NAA11: variants seen among roughly 807,000 people sequenced by gnomAD.
The protein encoded by NAA11 is N-alpha-acetyltransferase 11, NatA catalytic subunit, also known as N-alpha-acetyltransferase 11.
In NAA11, 15 loss-of-function variants were observed where a neutral mutation model predicts 16.1. The observed-to-expected ratio is 0.93, with a 90% CI of 0.62 to 1.44. NAA11 has a LOEUF of 1.44. Ranked by LOEUF, NAA11 falls within the 40% of genes most tolerant of loss-of-function variation. The pLI, the probability that NAA11 is intolerant of heterozygous loss-of-function variation, is 0.00. For synonymous variants in NAA11, 122 were observed against 112.4 expected (o/e 1.09, Z -0.54); for missense variants, 298 against 291.3 (o/e 1.02, Z -0.17).
In NAA11 at chr4:79,325,188, C is replaced by T; in HGVS notation, c.690G>A (p.Ter230=). ...DSSESSDSTS[*] ...GAAGACAGAATACCTTAAGCATGCT[C>T]TAGGAGGTGGAATCCGAGCTTTCTG... Residue 230 remains the stop codon, a stop_retained_variant, in exon 1 of 2, where the codon TAG becomes TAA. Transcript: ENST00000286794. 1 of 1,603,588 alleles carries T rather than the reference C, an allele frequency of 6.2e-7. No homozygotes were observed. Among genetic ancestry groups the T allele is most frequent in the South Asian group, 1.1e-5 (1 of 89,244 alleles).
downstream of NAA11, among the ~76,000 whole-genome samples, chr4:79,314,518 T>C (rs930114781): frequency 2.6e-5 from 4 of 151,962 alleles, no homozygotes; most frequent in Admixed American, 2.0e-4. Flanking sequence ...ACCCAGGTGA[T>C]TCCGATGCAC....
At chr4:79,324,566 T>A (rs1288999257) in intron 1 of NAA11, among the ~76,000 whole-genome samples, 1 of 152,226 alleles carries the variant, frequency 6.6e-6, no homozygotes, top group Admixed American at 6.5e-5. Context: ...GTTTAACAAG[T>A]CCCTCTATTT....
At position 79,317,777 on chromosome 4, in the gene NAA11, T is replaced by C. The variant is rs1407684228; in HGVS notation, c.*27A>G. ...TCACAGAGTAGATGTGGTTGAGACATGAGGACCTGAAATGCTGTTGAAAAA... is the reference window on the plus strand; with the variant it reads ...TCACAGAGTAGATGTGGTTGAGACACGAGGACCTGAAATGCTGTTGAAAAA... On this transcript the variant is annotated 3_prime_UTR_variant, in exon 2 of 2. Coordinates refer to ENST00000286794, the MANE Select transcript of NAA11 (RefSeq NM_032693.3). 6.6e-6 allele frequency: 1 copy of C among 152,258 alleles called. No individual in the cohort carries two copies. Among genetic ancestry groups the C allele is most frequent in the African/African-American group, 2.4e-5 (1 of 41,438 alleles). The allele number at this position is 152,258 out of a possible 1,614,324, so 9.4% of individuals were successfully genotyped here.
At chr4:79,308,083 AAAG>A (rs769975743) in intron 1 of NAA11, among the ~76,000 whole-genome samples, 10 of 151,948 alleles carry the variant, frequency 6.6e-5, no homozygotes, top group East Asian at 1.9e-4. Context: ...ATAAAAATTA[AAAG>A]AAGAAGAAGG....
the NAA11 span, among the ~76,000 whole-genome samples, chr4:79,174,992 T>G: frequency 1.3e-5 from 2 of 152,172 alleles, no homozygotes; most frequent in African/African-American, 4.8e-5. Flanking sequence ...ACATAATTTC[T>G]TCTTGAAGCA....
At chr4:79,187,170 A>G in the NAA11 span, among the ~76,000 whole-genome samples, 1 of 152,194 alleles carries the variant, frequency 6.6e-6, no homozygotes, top group Admixed American at 6.5e-5. Context: ...TTTATCATCA[A>G]TTGCTTTAGA....
At chr4:79,189,284 C>T in the NAA11 span, among the ~76,000 whole-genome samples, 5 of 151,734 alleles carry the variant, frequency 3.3e-5, no homozygotes, top group African/African-American at 1.2e-4. Flanking sequence ...AGAAATCAAG[C>T]TAACGGATCC....
intron 2 of NAA11, among the ~76,000 whole-genome samples, chr4:79,248,427 C>A (rs1320170624): frequency 6.6e-6 from 1 of 152,190 alleles, no homozygotes; most frequent in African/African-American, 2.4e-5. Context: ...ATACACCCCA[C>A]CATGCCATGG....
intron 2 of NAA11, among the ~76,000 whole-genome samples, chr4:79,249,392 A>T (rs535785311): frequency 6.6e-6 from 1 of 152,354 alleles, no homozygotes; most frequent in South Asian, 2.1e-4. Flanking sequence ...ACGTGAGCTG[A>T]TGAACAAATG....
chr4:79,293,284 A>T (rs1023007152), intron 2 of NAA11, among the ~76,000 whole-genome samples: 3 of 152,178 alleles, frequency 2.0e-5, no homozygotes, highest in Non-Finnish European at 2.9e-5. Context: ...AAACAAAGGG[A>T]AAGACTCTGA....
chr4:79,156,490 T>A, the NAA11 span, among the ~76,000 whole-genome samples: 14 of 152,200 alleles, frequency 9.2e-5, 1 homozygote, highest in Non-Finnish European at 1.3e-4. Flanking sequence ...AGGGTCTTCA[T>A]GCTGTGTCTA....
intron 2 of NAA11, among the ~76,000 whole-genome samples, chr4:79,229,239 A>G (rs1362407466): frequency 2.0e-5 from 3 of 151,912 alleles, no homozygotes; most frequent in Non-Finnish European, 4.4e-5. Context: ...GTTTTTTTAT[A>G]TAGCAGGAGA....
At chr4:79,203,139 C>A in the NAA11 span, among the ~76,000 whole-genome samples, 1 of 151,506 alleles carries the variant, frequency 6.6e-6, no homozygotes, top group Non-Finnish European at 1.5e-5. Flanking sequence ...TATCTTCAAA[C>A]CAGTTTATAA....
chr4:79,223,957 T>C (rs1166455355), downstream of NAA11, among the ~76,000 whole-genome samples: 2 of 152,166 alleles, frequency 1.3e-5, no homozygotes, highest in African/African-American at 4.8e-5. Flanking sequence ...TTCTCTCAAC[T>C]TCAGCCACTG....
chr4:79,180,048 A>G, the NAA11 span, among the ~76,000 whole-genome samples: 17 of 152,140 alleles, frequency 1.1e-4, no homozygotes, highest in African/African-American at 4.1e-4. Flanking sequence ...CCCATGATTC[A>G]TTTACCTCCA....
the NAA11 span, among the ~76,000 whole-genome samples, chr4:79,207,365 GT>G: frequency 8.6e-5 from 5 of 58,280 alleles, no homozygotes; most frequent in African/African-American, 2.2e-4. Flanking sequence ...GTTGAATGAG[GT>G]TAAAAAAAAA....
chr4:79,193,049 T>G, the NAA11 span, among the ~76,000 whole-genome samples: 2 of 152,180 alleles, frequency 1.3e-5, no homozygotes, highest in Non-Finnish European at 2.9e-5. Context: ...TCTGTTCATA[T>G]CCTTTGCCCA....
chr4:79,248,737 ACTG>A (rs752716322), intron 2 of NAA11, among the ~76,000 whole-genome samples: 1 of 152,098 alleles, frequency 6.6e-6, no homozygotes, highest in East Asian at 1.9e-4. Context: ...CCGTGCCAAT[ACTG>A]CTGCCTGCAT....
intron 2 of NAA11, among the ~76,000 whole-genome samples, chr4:79,246,097 A>T (rs905103200): frequency 4.6e-5 from 7 of 152,206 alleles, no homozygotes; most frequent in Non-Finnish European, 8.8e-5. Context: ...GCTCTCTGCA[A>T]CTGTGCTGTG....
Sources: gnomAD v4.1 joint callset for allele counts (sites outside exome capture counted in the v4.1 genomes callset) on GRCh38, gnomAD v4.1.1 for gene constraint, MANE v1.5 for transcripts, NCBI Gene and HGNC (gene_info 2026-07-23, HGNC 2026-07-21) for gene names.